CCSER1: variants seen among roughly 807,000 people sequenced by gnomAD.
CCSER1 encodes coiled-coil serine rich protein 1, also known as serine-rich coiled-coil domain-containing protein 1.
Under a neutral mutation model 82.0 loss-of-function variants are expected in CCSER1, and 41 were observed. That is an observed-to-expected ratio of 0.50 (90% CI 0.39 to 0.65). The LOEUF is 0.65. Ranked by LOEUF, CCSER1 falls within the 30% of genes least tolerant of loss-of-function variation. CCSER1 has a pLI of 0.00. For synonymous variants in CCSER1, 414 were observed against 383.9 expected (o/e 1.08, Z -0.92); for missense variants, 1,119 against 1,064.2 (o/e 1.05, Z -0.72).
chr4:90,239,241 A>T (rs1044106990), intron 1 of CCSER1, among the ~76,000 whole-genome samples: 1 of 152,208 alleles, frequency 6.6e-6, no homozygotes, highest in African/African-American at 2.4e-5. Flanking sequence ...AACAATAAAC[A>T]TACATCCCAT....
At chr4:91,056,844 G>C (rs1260936245) in intron 9 of CCSER1, among the ~76,000 whole-genome samples, 1 of 152,068 alleles carries the variant, frequency 6.6e-6, no homozygotes, top group Non-Finnish European at 1.5e-5. Context: ...GTCTTTCTTT[G>C]GGCATGTGTA....
intron 9 of CCSER1, among the ~76,000 whole-genome samples, chr4:91,069,933 G>A (rs1721248236): frequency 6.6e-6 from 1 of 151,406 alleles, no homozygotes; most frequent in East Asian, 1.9e-4. Flanking sequence ...TTTTAAATGT[G>A]TTGTTCTCAA....
At chr4:90,172,552 C>T (rs1731905584) in intron 1 of CCSER1, among the ~76,000 whole-genome samples, 1 of 151,738 alleles carries the variant, frequency 6.6e-6, no homozygotes, top group African/African-American at 2.4e-5. Context: ...GAATAACAAC[C>T]ATATCAGAAG....
At chr4:90,592,851 G>C (rs992338274) in intron 5 of CCSER1, among the ~76,000 whole-genome samples, 1 of 152,108 alleles carries the variant, frequency 6.6e-6, no homozygotes, top group African/African-American at 2.4e-5. Flanking sequence ...TTGAAGTTCA[G>C]ACTTCAAATT....
At chr4:90,326,107 G>A (rs1474061938) in intron 3 of CCSER1, among the ~76,000 whole-genome samples, 2 of 133,998 alleles carry the variant, frequency 1.5e-5, no homozygotes, top group African/African-American at 5.5e-5. Context: ...CACCCAGGCT[G>A]GAGTGCAGTG....
chr4:90,937,740 C>T (rs1731132232), intron 9 of CCSER1, among the ~76,000 whole-genome samples: 1 of 152,162 alleles, frequency 6.6e-6, no homozygotes, highest in Admixed American at 6.5e-5. Flanking sequence ...TGGAATACCT[C>T]TGCCCCACAA....
At chr4:90,254,968 C>A (rs950681725) in intron 1 of CCSER1, among the ~76,000 whole-genome samples, 3 of 143,368 alleles carry the variant, frequency 2.1e-5, no homozygotes, top group East Asian at 2.2e-4. Flanking sequence ...TACATATCAA[C>A]ATATATATCA....
At chr4:91,024,217 G>A (rs1021470914) in intron 9 of CCSER1, among the ~76,000 whole-genome samples, 11 of 152,116 alleles carry the variant, frequency 7.2e-5, no homozygotes, top group Non-Finnish European at 1.5e-4. Flanking sequence ...GTTTCAACAT[G>A]AGTTTTCAAG....
At chr4:91,065,682 T>C (rs981366218) in intron 9 of CCSER1, among the ~76,000 whole-genome samples, 1 of 152,084 alleles carries the variant, frequency 6.6e-6, no homozygotes, top group Non-Finnish European at 1.5e-5. Flanking sequence ...TGTTCTGGTA[T>C]GTTTAAACAA....
intron 5 of CCSER1, among the ~76,000 whole-genome samples, chr4:90,551,040 C>G (rs531312414): frequency 1.8e-4 from 27 of 152,246 alleles, no homozygotes; most frequent in African/African-American, 6.0e-4. Flanking sequence ...TTCTACCTAG[C>G]ACTATTTTTC....
rs186606021 is a variant in CCSER1 at position 90,340,834 on chromosome 4, G to A, written c.1509+27787G>A. Among the ~76,000 whole-genome samples, 8 of 152,042 alleles carry A rather than the reference G, an allele frequency of 5.3e-5. No individual in the cohort carries two copies. The East Asian group carries it at 1.4e-3, about 26-fold the overall frequency. The stretch of plus-strand genomic sequence containing the variant: ...TTATTTATCCATTTCAGTTATCGAT[G>A]ATCCAGCCCAGTGGCATTTGTCAAA... On this transcript the variant is annotated intron_variant, in intron 3 of 10. Transcript: ENST00000509176.
intron 6 of CCSER1, among the ~76,000 whole-genome samples, chr4:90,646,911 A>G (rs547856968): frequency 2.0e-5 from 3 of 152,082 alleles, no homozygotes; most frequent in Non-Finnish European, 4.4e-5. Context: ...ATTTCCTTAC[A>G]CAGAACGCAA....
chr4:90,338,135 G>A (rs927067372), intron 3 of CCSER1, among the ~76,000 whole-genome samples: 16 of 152,258 alleles, frequency 1.1e-4, no homozygotes, highest in Middle Eastern at 3.4e-3. Context: ...TTCACTGCTA[G>A]TTTTGGGACT....
chr4:90,654,622 T>C (rs1729375585), intron 6 of CCSER1, among the ~76,000 whole-genome samples: 1 of 152,130 alleles, frequency 6.6e-6, no homozygotes, highest in East Asian at 1.9e-4. Context: ...CATGACAAAG[T>C]TTTCCCATTC....
intron 8 of CCSER1, among the ~76,000 whole-genome samples, chr4:90,817,207 T>C (rs1475981358): frequency 6.6e-6 from 1 of 152,124 alleles, no homozygotes; most frequent in Non-Finnish European, 1.5e-5. Flanking sequence ...TGACTAAATA[T>C]CACCTATAGA....
intron 10 of CCSER1, among the ~76,000 whole-genome samples, chr4:91,103,131 C>T (rs931411801): frequency 6.6e-5 from 10 of 152,182 alleles, no homozygotes; most frequent in African/African-American, 2.4e-4. Flanking sequence ...GCCCTTCTCT[C>T]AGCTTGGAAA....
intron 8 of CCSER1, among the ~76,000 whole-genome samples, chr4:90,891,967 T>A (rs1332156125): frequency 6.6e-6 from 1 of 152,080 alleles, no homozygotes; most frequent in Non-Finnish European, 1.5e-5. Context: ...TAAACCAACT[T>A]CATTCTTGCT....
At chr4:90,593,509 T>C (rs1224614722) in intron 5 of CCSER1, among the ~76,000 whole-genome samples, 3 of 152,134 alleles carry the variant, frequency 2.0e-5, no homozygotes, top group Non-Finnish European at 4.4e-5. Context: ...CTGGTAACTT[T>C]GTGTATGCCC....
intron 1 of CCSER1, among the ~76,000 whole-genome samples, chr4:90,303,580 G>A (rs1482339708): frequency 4.0e-5 from 6 of 151,794 alleles, no homozygotes; most frequent in African/African-American, 1.5e-4. Flanking sequence ...AATGGTGCTG[G>A]GAAAACTGGC....
Sources: gnomAD v4.1 joint callset for allele counts (sites outside exome capture counted in the v4.1 genomes callset) on GRCh38, gnomAD v4.1.1 for gene constraint, MANE v1.5 for transcripts, NCBI Gene and HGNC (gene_info 2026-07-23, HGNC 2026-07-21) for gene names.